Variants in CHN2 observed in about 807,000 individuals in gnomAD.
The protein encoded by CHN2 is beta-chimaerin.
CHN2 carries 35 observed loss-of-function variants against 56.3 expected under a neutral mutation model. The ratio of observed to expected loss-of-function variants is 0.62; its 90% confidence interval spans 0.47 to 0.82. The LOEUF (loss-of-function observed/expected upper bound fraction) is 0.82, where lower values mean the gene tolerates loss of function less well. Among genes scored for constraint, CHN2 ranks in the 40% least tolerant of loss-of-function variants. The probability of loss-of-function intolerance (pLI) is 0.00; values close to 1 mark genes in which losing one functional copy is unlikely to be tolerated. For missense variants in CHN2, 491 were observed against 580.5 expected (o/e 0.85, Z 1.58); for synonymous variants, 210 against 212.8 (o/e 0.99, Z 0.12).
chr7:29,212,568 A>G, intron 1 of CHN2: 1 of 1,444,960 alleles, frequency 6.9e-7, no homozygotes, highest in Non-Finnish European at 9.7e-7. Flanking sequence ...AAGGGAGACG[A>G]GGTCCCAGTC....
At chr7:29,284,835 G>A (rs901489614) in intron 1 of CHN2, among the ~76,000 whole-genome samples, 1 of 152,206 alleles carries the variant, frequency 6.6e-6, no homozygotes, top group Non-Finnish European at 1.5e-5. Context: ...AATAACAGAT[G>A]AATGCACAAG....
intron 2 of CHN2, among the ~76,000 whole-genome samples, chr7:29,364,712 T>C (rs1799009651): frequency 6.6e-6 from 1 of 152,246 alleles, no homozygotes. Flanking sequence ...CCTCACGTAT[T>C]AAAAGAAGCC....
At chr7:29,221,675 T>C (rs969829114) in intron 1 of CHN2, among the ~76,000 whole-genome samples, 2 of 152,198 alleles carry the variant, frequency 1.3e-5, no homozygotes, top group African/African-American at 2.4e-5. Context: ...TGTGTTCTCA[T>C]TGTTCAGCTC....
In CHN2 at chr7:29,402,838, G is replaced by T. The variant is rs143145124; in HGVS notation, c.576+2010G>T. 4.6e-5 allele frequency among the ~76,000 whole-genome samples: 7 copies of T among 152,270 alleles called. No homozygotes were observed. The East Asian group carries it at 7.7e-4, about 17-fold the overall frequency. ...GGACAATATTCCTATCAGGAAACTT[G>T]TACCTCAAAATATGCCCCCTTGTGC... On this transcript the variant is annotated intron_variant, in intron 6 of 12. Coordinates refer to ENST00000222792, the MANE Select transcript of CHN2 (RefSeq NM_004067.4).
chr7:29,507,014 C>A (rs1192493313), intron 10 of CHN2, among the ~76,000 whole-genome samples: 1 of 152,184 alleles, frequency 6.6e-6, no homozygotes, highest in Admixed American at 6.5e-5. Context: ...TTTGTTTTAT[C>A]ACCCGTTTGC....
At chr7:29,301,368 C>G (rs1186784456) in intron 1 of CHN2, among the ~76,000 whole-genome samples, 1 of 151,636 alleles carries the variant, frequency 6.6e-6, no homozygotes, top group Admixed American at 6.6e-5. Context: ...CACACACACA[C>G]ACACACACAC....
At position 29,333,225 on chromosome 7, in the gene CHN2, C is replaced by G. The variant is rs780881756; in HGVS notation, c.50-21400C>G. Among the ~76,000 whole-genome samples the G allele has an allele frequency of 9.8e-5, 15 of 152,294 alleles. 1 individual carries two copies. The highest frequency in any genetic ancestry group is 2.6e-4 in the Admixed American group (4 of 15,306). On this transcript the variant is annotated intron_variant, in intron 1 of 12. Transcript: ENST00000222792. ...AGCAATGGGAACAGGGGAGGCACAT[C>G]TAGTTCTGTATCCCATCCTCCACGG...
chr7:29,405,837 A>G (rs1223633981), intron 6 of CHN2, among the ~76,000 whole-genome samples: 1 of 151,760 alleles, frequency 6.6e-6, no homozygotes, highest in Admixed American at 6.6e-5. Flanking sequence ...TGGTCCTTTC[A>G]TTGGTTGTTT....
Position 29,512,042 on chromosome 7 carries a change from G to A in CHN2, c.1236-522G>A, listed in dbSNP as rs143480327. ...AGCCGTTCCCCCACCCCACGATAAC[G>A]GCCTGACTCTTCCTCAATTCATGAC... On this transcript the variant is annotated intron_variant, in intron 12 of 12. Transcript: ENST00000222792. 7.9e-3 allele frequency among the ~76,000 whole-genome samples: 1,202 copies of A among 152,100 alleles called. 6 individuals carry two copies. Among genetic ancestry groups the A allele is most frequent in the Non-Finnish European group, 0.011 (722 of 67,996 alleles).
At chr7:29,504,854 A>T (rs1790392799) in intron 10 of CHN2, 33 bp downstream of exon 10, 1 of 1,419,440 alleles carries the variant, frequency 7.0e-7, no homozygotes. Context: ...GCCATCTGAC[A>T]TCCTAACACC....
intron 1 of CHN2, among the ~76,000 whole-genome samples, chr7:29,255,244 C>T (rs1788975839): frequency 6.6e-6 from 1 of 152,212 alleles, no homozygotes; most frequent in South Asian, 2.1e-4. Context: ...CTCAGGCACT[C>T]AGTTTCAGAC....
intron 1 of CHN2, among the ~76,000 whole-genome samples, chr7:29,252,578 G>GTTTTTTTTGTTTTTTTTTTT (rs1788667379): frequency 5.1e-5 from 1 of 19,488 alleles, no homozygotes; most frequent in African/African-American, 3.1e-4. Context: ...TGCATTCTTT[G>GTTTTTTTTGTTTTTTTTTTT]TTTTTTTTTT....
chr7:29,392,793 CTG>C (rs531979458), intron 3 of CHN2, among the ~76,000 whole-genome samples: 7 of 152,208 alleles, frequency 4.6e-5, no homozygotes, highest in Non-Finnish European at 7.3e-5. Context: ...GAAGAAATGA[CTG>C]TGAATAAAAC....
rs765290417 is a variant in CHN2 at position 29,473,470 on chromosome 7, G to GTTTTTTTTTT, written c.577-6805_577-6796dup. 9.2e-4 allele frequency among the ~76,000 whole-genome samples: 86 copies of GTTTTTTTTTT among 93,442 alleles called. 2 individuals are homozygous for GTTTTTTTTTT. The highest frequency in any genetic ancestry group is 2.6e-3 in the African/African-American group (50 of 19,052). 61.3% of individuals were successfully genotyped at this position (93,442 alleles called of 152,430 possible). Reference sequence around the variant, plus strand: ...GGGGTGTTTGTGTGTGTGTGTTTGTGTTTTTTTTTTTTTGTGTGTGTGTGT... The same window carrying GTTTTTTTTTT: ...GGGGTGTTTGTGTGTGTGTGTTTGTGTTTTTTTTTTTTTTTTTTTTTTTGTGTGTGTGTGT... On this transcript the variant is annotated intron_variant, in intron 6 of 12. Coordinates refer to ENST00000222792, the MANE Select transcript of CHN2 (RefSeq NM_004067.4).
chr7:29,286,137 C>T (rs1246823343), intron 1 of CHN2, among the ~76,000 whole-genome samples: 1 of 152,112 alleles, frequency 6.6e-6, no homozygotes. Flanking sequence ...TGCCTCATAC[C>T]CACCCTTTTA....
In CHN2 at chr7:29,228,371, C is replaced by T. The variant is rs74936397; in HGVS notation, c.49+33381C>T. 6.6e-5 allele frequency among the ~76,000 whole-genome samples: 10 copies of T among 152,286 alleles called. No individual in the cohort carries two copies. The East Asian group carries it at 1.9e-3, about 29-fold the overall frequency. ...CTTTCCATTGTGCTGTAATTGCCTA[C>T]AGTATTCAGTATAGTACCATGCTGT... is the stretch of plus-strand genomic sequence containing the variant. On this transcript the variant is annotated intron_variant, in intron 1 of 12. Coordinates refer to ENST00000222792, the MANE Select transcript of CHN2 (RefSeq NM_004067.4).
intron 2 of CHN2, among the ~76,000 whole-genome samples, chr7:29,356,934 G>A (rs974374741): frequency 6.6e-6 from 1 of 152,202 alleles, no homozygotes; most frequent in Non-Finnish European, 1.5e-5. Flanking sequence ...GCATGGCCTT[G>A]CGTACATTAA....
intron 1 of CHN2, among the ~76,000 whole-genome samples, chr7:29,316,721 A>T (rs1439004604): frequency 6.7e-6 from 1 of 150,358 alleles, no homozygotes; most frequent in African/African-American, 2.4e-5. Flanking sequence ...AAGATGTGTG[A>T]TTTTTTTTTT....
intron 6 of CHN2, among the ~76,000 whole-genome samples, chr7:29,407,558 A>C (rs1802767680): frequency 6.6e-6 from 1 of 152,178 alleles, no homozygotes. Context: ...TGGAAATAAC[A>C]TGTAACTGAC....
Sources: allele counts gnomAD v4.1 joint callset (sites outside exome capture counted in the v4.1 genomes callset), GRCh38; gene constraint gnomAD v4.1.1; transcripts MANE v1.5; gene names NCBI Gene and HGNC (gene_info 2026-07-23, HGNC 2026-07-21).